The following SCN8A variants were observed in gnomAD, a reference collection of about 807,000 sequenced individuals.
The protein encoded by SCN8A is sodium channel protein type 8 subunit alpha.
In SCN8A, 30 loss-of-function variants were observed where a neutral mutation model predicts 184.1. The observed-to-expected ratio is 0.16, with a 90% CI of 0.12 to 0.22. The LOEUF (loss-of-function observed/expected upper bound fraction) is 0.22. Among genes scored for constraint, SCN8A ranks in the 10% least tolerant of loss-of-function variants. The pLI is 1.00. For synonymous variants in SCN8A, 852 were observed against 907.0 expected (o/e 0.94, Z 1.09); for missense variants, 1,057 against 2,498.9 (o/e 0.42, Z 12.30).
intron 1 of SCN8A, among the ~76,000 whole-genome samples, chr12:51,594,804 A>G (rs959481144): frequency 6.6e-6 from 1 of 151,600 alleles, no homozygotes; most frequent in African/African-American, 2.4e-5. Flanking sequence ...TTTTTTTCCC[A>G]TAGAGAGGGA....
chr12:51,668,580 G>GT (rs1941077094), intron 2 of SCN8A, among the ~76,000 whole-genome samples: 1 of 152,138 alleles, frequency 6.6e-6, no homozygotes, highest in South Asian at 2.1e-4. Flanking sequence ...AATCCCTGTG[G>GT]TTTTTAGGAC....
At chr12:51,666,925 A>G (rs1941044551) in intron 2 of SCN8A, among the ~76,000 whole-genome samples, 2 of 152,052 alleles carry the variant, frequency 1.3e-5, no homozygotes, top group South Asian at 4.1e-4. Flanking sequence ...CCTGCAAACA[A>G]TCTGAATCAT....
At chr12:51,802,419 C>A (rs909780426) in intron 26 of SCN8A, among the ~76,000 whole-genome samples, 7 of 152,210 alleles carry the variant, frequency 4.6e-5, no homozygotes, top group Non-Finnish European at 7.3e-5. Context: ...CATCCCTATT[C>A]CAAGTCGCAG....
chr12:51,788,760 CA>C lies in SCN8A; in HGVS notation c.4281+13del. 1 of 1,607,144 alleles carries C rather than the reference CA, an allele frequency of 6.2e-7. No individual in the cohort carries two copies. Among genetic ancestry groups the C allele is most frequent in the South Asian group, 1.1e-5 (1 of 89,398 alleles). On this transcript the variant is annotated intron_variant, in intron 23 of 26. Transcript: ENST00000627620. ...TAGATTCCCGGAAGGTAAGGATGTA[CA>C]TGGCGAAAATACCACCTTCTCAGAT...
intron 1 of SCN8A, among the ~76,000 whole-genome samples, chr12:51,597,403 T>C (rs2138550652): frequency 6.6e-6 from 1 of 152,168 alleles, no homozygotes; most frequent in South Asian, 2.1e-4. Context: ...TTTTTGGGGG[T>C]TCCTGGGGAG....
At chr12:51,641,687 A>G (rs1181114936) in intron 1 of SCN8A, among the ~76,000 whole-genome samples, 2 of 152,228 alleles carry the variant, frequency 1.3e-5, no homozygotes, top group African/African-American at 2.4e-5. Flanking sequence ...GAAAAGACCA[A>G]TGCGTGTCCC....
chr12:51,782,259 A>G (rs985682262), intron 21 of SCN8A, among the ~76,000 whole-genome samples: 3 of 152,222 alleles, frequency 2.0e-5, no homozygotes. Context: ...AATGTGCGCA[A>G]TAAGGTCATT....
rs556308474 is a variant in SCN8A, at chr12:51,712,326, A to G, written c.1635+5611A>G. ...GCTGCAGTAACTTTTCTGACTATGG[A>G]TCATCCTTCCTTCTGTGGCAGATTT... On this transcript the variant is annotated intron_variant, in intron 11 of 26. Coordinates refer to ENST00000627620, the MANE Select transcript of SCN8A (RefSeq NM_001330260.2). 45 of 571,580 alleles carry G rather than the reference A, an allele frequency of 7.9e-5. No homozygotes were observed. In the East Asian group the frequency reaches 1.3e-3, roughly 17 times the overall value. 35.4% of individuals were successfully genotyped at this position (571,580 alleles called of 1,614,324 possible). A position where few individuals can be genotyped will look rare whatever the true frequency, so the allele number is the denominator to read the frequency against.
At chr12:51,735,731 A>G (rs1288701084) in intron 12 of SCN8A, among the ~76,000 whole-genome samples, 2 of 152,244 alleles carry the variant, frequency 1.3e-5, no homozygotes, top group East Asian at 1.9e-4. Context: ...CGGTCTCGAC[A>G]TGGCTGCAAC....
intron 26 of SCN8A, among the ~76,000 whole-genome samples, chr12:51,801,242 C>T (rs1592171277): frequency 6.6e-6 from 1 of 152,152 alleles, no homozygotes; most frequent in East Asian, 1.9e-4. Flanking sequence ...CCACTCAGCC[C>T]CTGCCACCTT....
intron 26 of SCN8A, among the ~76,000 whole-genome samples, 155 bp downstream of exon 26, chr12:51,794,796 G>T (rs534469502): frequency 6.6e-6 from 1 of 151,972 alleles, no homozygotes; most frequent in Admixed American, 6.5e-5. Context: ...CATCTCGGGG[G>T]CCTGCCTAGC....
intron 20 of SCN8A, chr12:51,780,200 A>G (rs887121459): frequency 2.2e-6 from 1 of 456,142 alleles, no homozygotes; most frequent in Non-Finnish European, 4.4e-6. Context: ...TCTTTTCCAT[A>G]GGTACCATTA....
At chr12:51,606,860 G>T in intron 1 of SCN8A, among the ~76,000 whole-genome samples, 2 of 145,672 alleles carry the variant, frequency 1.4e-5, no homozygotes, top group Admixed American at 6.8e-5. Flanking sequence ...TTATTTTGTG[G>T]CTATTGTAAG....
chr12:51,749,748 A>C (rs978346562), intron 13 of SCN8A, among the ~76,000 whole-genome samples: 1 of 152,188 alleles, frequency 6.6e-6, no homozygotes. Flanking sequence ...AAGCATCGCC[A>C]TCCAGCTGGT....
intron 1 of SCN8A, among the ~76,000 whole-genome samples, chr12:51,648,810 CT>C (rs1940647336): frequency 6.6e-6 from 1 of 152,168 alleles, no homozygotes; most frequent in South Asian, 2.1e-4. Flanking sequence ...CATTCCACCC[CT>C]GGCCCCTCCA....
chr12:51,749,953 C>G (rs1006528264), intron 13 of SCN8A, among the ~76,000 whole-genome samples: 3 of 152,152 alleles, frequency 2.0e-5, no homozygotes, highest in African/African-American at 7.2e-5. Flanking sequence ...TAAAAAGCAT[C>G]CTCTTAGCTC....
chr12:51,712,187 A>T (rs1046410654), intron 11 of SCN8A, among the ~76,000 whole-genome samples: 1 of 152,238 alleles, frequency 6.6e-6, no homozygotes, highest in African/African-American at 2.4e-5. Context: ...GCTACAACAG[A>T]TAAAAAACCT....
At chr12:51,748,763 C>T (rs1942551984) in intron 13 of SCN8A, among the ~76,000 whole-genome samples, 1 of 152,130 alleles carries the variant, frequency 6.6e-6, no homozygotes, top group Non-Finnish European at 1.5e-5. Context: ...TGGCTGATAT[C>T]AGCCTTTCCT....
At chr12:51,612,494 C>T (rs746346639) in intron 1 of SCN8A, among the ~76,000 whole-genome samples, 3 of 152,104 alleles carry the variant, frequency 2.0e-5, no homozygotes, top group African/African-American at 4.8e-5. Context: ...TTTATCAGGT[C>T]GGGTAAGTTC....
Sources: gnomAD v4.1 joint callset for allele counts (sites outside exome capture counted in the v4.1 genomes callset) on GRCh38, gnomAD v4.1.1 for gene constraint, MANE v1.5 for transcripts, NCBI Gene and HGNC (gene_info 2026-07-23, HGNC 2026-07-21) for gene names.